The following ARID1B variants were observed in gnomAD, a reference collection of about 807,000 sequenced individuals.
ARID1B encodes AT-rich interaction domain 1B.
A neutral mutation model predicts 212.3 loss-of-function variants in ARID1B; 30 were observed. That is an observed-to-expected ratio of 0.14 (90% CI 0.11 to 0.19). The LOEUF (loss-of-function observed/expected upper bound fraction) is 0.19. Ranked by LOEUF, ARID1B falls within the 10% of genes least tolerant of loss-of-function variation. ARID1B has a pLI of 1.00. For synonymous variants in ARID1B, 1,402 were observed against 1,301.7 expected (o/e 1.08, Z -1.66); for missense variants, 2,891 against 3,204.0 (o/e 0.90, Z 2.36).
intron 6 of ARID1B, among the ~76,000 whole-genome samples, chr6:157,121,997 A>G (rs904725559): frequency 6.6e-6 from 1 of 152,186 alleles, no homozygotes; most frequent in Non-Finnish European, 1.5e-5. Flanking sequence ...CTGCTGCAGA[A>G]CACACTGGAA....
At chr6:156,981,837 TG>T (rs36038259) in intron 4 of ARID1B, among the ~76,000 whole-genome samples, 82 of 152,314 alleles carry the variant, frequency 5.4e-4, no homozygotes, top group Non-Finnish European at 9.6e-4. Flanking sequence ...AACATCTGAC[TG>T]GGCCTTCCTG....
intron 3 of ARID1B, among the ~76,000 whole-genome samples, chr6:156,925,339 G>A (rs1675213823): frequency 6.6e-6 from 1 of 152,078 alleles, no homozygotes; most frequent in Admixed American, 6.5e-5. Flanking sequence ...ATACAAGCCT[G>A]TCCTTTTTCT....
At chr6:157,157,303 C>G (rs1354468339) in intron 8 of ARID1B, among the ~76,000 whole-genome samples, 1 of 152,166 alleles carries the variant, frequency 6.6e-6, no homozygotes, top group African/African-American at 2.4e-5. Flanking sequence ...CAGCGAGAAC[C>G]AGCATTAAAG....
intron 2 of ARID1B, among the ~76,000 whole-genome samples, chr6:156,846,581 T>C (rs1442016340): frequency 6.6e-6 from 1 of 152,030 alleles, no homozygotes; most frequent in East Asian, 1.9e-4. Context: ...GGGGAGAGGA[T>C]TGGGCCATCT....
chr6:157,019,091 C>T (rs566312903), intron 4 of ARID1B, among the ~76,000 whole-genome samples: 64 of 152,158 alleles, frequency 4.2e-4, no homozygotes, highest in Non-Finnish European at 8.5e-4. Flanking sequence ...TCTCCAAAGC[C>T]CTTTATCCCG....
chr6:156,893,477 C>CT (rs1788124081), intron 2 of ARID1B, among the ~76,000 whole-genome samples: 1 of 152,050 alleles, frequency 6.6e-6, no homozygotes, highest in Non-Finnish European at 1.5e-5. Context: ...TCAAAGGAGA[C>CT]TATCGAGAGA....
chr6:156,943,946 A>G (rs1190816174), intron 4 of ARID1B: 1 of 152,198 alleles, frequency 6.6e-6, no homozygotes, highest in Admixed American at 6.5e-5. Context: ...ATAAAATAAT[A>G]TGTTTTGGCT....
chr6:156,967,405 T>C (rs1272568545), intron 4 of ARID1B, among the ~76,000 whole-genome samples: 1 of 152,204 alleles, frequency 6.6e-6, no homozygotes, highest in East Asian at 1.9e-4. Flanking sequence ...GTCATGAAGA[T>C]AAATTAGCTG....
intron 11 of ARID1B, among the ~76,000 whole-genome samples, chr6:157,177,138 A>T (rs1792150372): frequency 6.6e-6 from 1 of 152,244 alleles, no homozygotes; most frequent in Admixed American, 6.5e-5. Flanking sequence ...TTCCATATAT[A>T]TGATCTCTTC....
Position 157,190,058 on chromosome 6 carries a change from A to G in ARID1B, c.4079A>G (p.His1360Arg). 1.2e-6 allele frequency: 2 copies of G among 1,614,192 alleles called. No individual in the cohort carries two copies. Among genetic ancestry groups the G allele is most frequent in the South Asian group, 2.2e-5 (2 of 91,074 alleles). Residue 1360 changes from histidine to arginine, a missense_variant, in exon 15 of 20, where the codon CAC becomes CGC. Coordinates refer to ENST00000636930, the MANE Select transcript of ARID1B (RefSeq NM_001374828.1). The surrounding 1 kb of genome is among the most constrained non-coding windows in gnomAD (Gnocchi z 4.6). ...QGGRSSTISVHDPFSDVSDSS... is the reference protein window; with the variant it reads ...QGGRSSTISVRDPFSDVSDSS... ...TTCAGAAGCAGTACAATCAGTGTGC[A>G]CGACCCATTCTCAGATGTGAGTGAT...
In ARID1B at chr6:157,180,359, T is replaced by G. The variant is rs1184584806; in HGVS notation, c.3505-610T>G. Among the ~76,000 whole-genome samples, 3 of 150,610 alleles carry G rather than the reference T, an allele frequency of 2.0e-5. No individual in the cohort carries two copies. In the East Asian group the frequency reaches 5.8e-4, roughly 29 times the overall value. ...AAATCCCAAAGCTTTGGTTGACCCT[T>G]AGTTTATCTAAAAAAAAAAAACAAA... On this transcript the variant is annotated intron_variant, in intron 11 of 19. Coordinates refer to ENST00000636930, the MANE Select transcript of ARID1B (RefSeq NM_001374828.1).
chr6:156,829,169 T>G, intron 1 of ARID1B, 58 bp from the exon 2 acceptor site: 1 of 1,426,492 alleles, frequency 7.0e-7, no homozygotes, highest in Non-Finnish European at 9.6e-7. Flanking sequence ...ATAACACAAA[T>G]TTGTGCCTTT....
chr6:157,117,416 G>C (rs1787390359), intron 6 of ARID1B, among the ~76,000 whole-genome samples: 1 of 152,174 alleles, frequency 6.6e-6, no homozygotes. Context: ...AGTCTGAGTA[G>C]AATTCCTTAT....
At position 157,148,822 on chromosome 6, in the gene ARID1B, C is replaced by A. The variant is rs1229887428; in HGVS notation, c.2960C>A (p.Thr987Asn). 2 of 1,612,884 alleles carry A rather than the reference C, an allele frequency of 1.2e-6. No individual in the cohort carries two copies. The highest frequency in any genetic ancestry group is 1.3e-5 in the African/African-American group (1 of 74,908). Residue 987 changes from threonine (T) to asparagine (N), a missense_variant, in exon 8 of 20, where the codon ACC becomes AAC. Transcript: ENST00000636930. This position sits in a 1 kb window ranked among gnomAD's most constrained non-coding sequence, Gnocchi z 5.6. The stretch of plus-strand genomic sequence containing the variant: ...TTTCCTGGAAATATGAGCAGCATGA[C>A]CCCCAGTTCTCCTGGCATGTCTCAG... ...RPFPGNMSSM[T>N]PSSPGMSQQG...
chr6:157,197,335 G>A (rs1793797694), intron 16 of ARID1B, among the ~76,000 whole-genome samples: 1 of 152,256 alleles, frequency 6.6e-6, no homozygotes, highest in Non-Finnish European at 1.5e-5. Context: ...TTCTACCGGG[G>A]ACCGGCTGGG....
intron 4 of ARID1B, among the ~76,000 whole-genome samples, chr6:157,078,373 A>C (rs1784435158): frequency 6.6e-6 from 1 of 152,090 alleles, no homozygotes; most frequent in South Asian, 2.1e-4. Context: ...GATTCTATAT[A>C]CCCAAAAAAA....
intron 1 of ARID1B, among the ~76,000 whole-genome samples, chr6:156,819,809 A>G (rs903147913): frequency 6.6e-6 from 1 of 152,202 alleles, no homozygotes; most frequent in African/African-American, 2.4e-5. Context: ...CTCTAAGGAC[A>G]TGACGTTGGA....
chr6:157,132,069 G>A (rs1161276146), intron 6 of ARID1B, among the ~76,000 whole-genome samples: 2 of 152,176 alleles, frequency 1.3e-5, no homozygotes, highest in Non-Finnish European at 2.9e-5. Context: ...GCACCTTTGA[G>A]GAAAATGAAC....
chr6:156,981,810 TC>T (rs1420214446), intron 4 of ARID1B, among the ~76,000 whole-genome samples: 1 of 152,246 alleles, frequency 6.6e-6, no homozygotes, highest in African/African-American at 2.4e-5. Flanking sequence ...CGTTTTTTTT[TC>T]ACATGCTTTT....
Sources: allele counts gnomAD v4.1 joint callset (sites outside exome capture counted in the v4.1 genomes callset), GRCh38; gene constraint gnomAD v4.1.1; non-coding constraint Gnocchi (gnomAD v3.1); transcripts MANE v1.5; gene names NCBI Gene and HGNC (gene_info 2026-07-23, HGNC 2026-07-21).